The following DLC1 variants were observed in gnomAD, a reference collection of about 807,000 sequenced individuals.
The protein encoded by DLC1 is rho GTPase-activating protein 7.
DLC1 carries 54 observed loss-of-function variants against 140.3 expected under a neutral mutation model. That is an observed-to-expected ratio of 0.38 (90% CI 0.31 to 0.48). DLC1 has a LOEUF of 0.48. Ranked by LOEUF, DLC1 falls within the 20% of genes least tolerant of loss-of-function variation. The pLI is 0.96. For synonymous variants in DLC1, 986 were observed against 728.1 expected (o/e 1.35, Z -5.70); for missense variants, 2,536 against 1,907.0 (o/e 1.33, Z -6.14).
intron 1 of DLC1, among the ~76,000 whole-genome samples, chr8:13,589,764 T>C (rs533369160): frequency 1.0e-3 from 157 of 151,818 alleles, no homozygotes; most frequent in African/African-American, 3.2e-3. Context: ...ACAGAGATTG[T>C]GTAAATTTTT....
At chr8:13,275,117 T>C (rs1281811718) in intron 5 of DLC1, among the ~76,000 whole-genome samples, 1 of 152,240 alleles carries the variant, frequency 6.6e-6, no homozygotes, top group East Asian at 1.9e-4. Flanking sequence ...TTGTTTACTT[T>C]CTCCGTCAGT....
intron 5 of DLC1, among the ~76,000 whole-genome samples, chr8:13,127,847 G>A (rs944438542): frequency 1.3e-5 from 2 of 152,224 alleles, no homozygotes; most frequent in Non-Finnish European, 2.9e-5. Context: ...TCAAAGGTGG[G>A]GCAGGGCAGA....
chr8:13,279,349 A>T (rs1376475467), intron 5 of DLC1, among the ~76,000 whole-genome samples: 1 of 152,212 alleles, frequency 6.6e-6, no homozygotes, highest in African/African-American at 2.4e-5. Context: ...ACAGTTCTTC[A>T]GTGAAGCTCA....
At chr8:13,390,085 T>C (rs1836683627) in intron 4 of DLC1, among the ~76,000 whole-genome samples, 1 of 152,172 alleles carries the variant, frequency 6.6e-6, no homozygotes, top group Admixed American at 6.5e-5. Flanking sequence ...CTGTTTAATC[T>C]CTCATAGACA....
Position 13,187,464 on chromosome 8 carries a change from G to A in DLC1, c.1349-71807C>T, listed in dbSNP as rs958214599. On this transcript the variant is annotated intron_variant, in intron 5 of 17. Transcript: ENST00000276297. Reference sequence around the variant, plus strand: ...TCTTCAGATTTTAGTATGGTATCTTGAAAATGCTAGGTGGTCATAAATTGT... The same window carrying A: ...TCTTCAGATTTTAGTATGGTATCTTAAAAATGCTAGGTGGTCATAAATTGT... Among the ~76,000 whole-genome samples, 4 of 152,222 alleles carry A rather than the reference G, an allele frequency of 2.6e-5. No individual in the cohort carries two copies. In the South Asian group the frequency reaches 6.2e-4, roughly 24 times the overall value.
Position 13,544,977 on chromosome 8 carries a change from A to AC in DLC1, c.-125-44782dup, listed in dbSNP as rs960629186. ...TTACATAGACTCCAAGTTTAATAGC[A>AC]CCCCCCCTGGAACTGTGCAGTACTG... On this transcript the variant is annotated intron_variant, in intron 1 of 1. Coordinates refer to the DLC1 transcript ENST00000631382. Among the ~76,000 whole-genome samples, 14 of 151,554 alleles carry AC rather than the reference A, an allele frequency of 9.2e-5. No individual in the cohort carries two copies. In the East Asian group the frequency reaches 1.2e-3, roughly 13 times the overall value.
intron 5 of DLC1, among the ~76,000 whole-genome samples, chr8:13,122,536 A>T (rs1244928744): frequency 1.3e-5 from 2 of 152,226 alleles, no homozygotes; most frequent in South Asian, 4.1e-4. Flanking sequence ...TTAAAGGCAG[A>T]CTGAAAACGA....
chr8:13,406,181 G>GTTGTTTTTTTTTTTTTTTTTTTTT (rs1554514489), intron 2 of DLC1, among the ~76,000 whole-genome samples: 1 of 84,960 alleles, frequency 1.2e-5, no homozygotes, highest in Non-Finnish European at 2.2e-5. Flanking sequence ...TAATTTTTGT[G>GTTGTTTTTTTTTTTTTTTTTTTTT]TTTTTTTTTT....
At chr8:13,108,541 T>C (rs1819788889) in intron 7 of DLC1, among the ~76,000 whole-genome samples, 1 of 152,204 alleles carries the variant, frequency 6.6e-6, no homozygotes, top group South Asian at 2.1e-4. Flanking sequence ...ATACTTTTTT[T>C]CCCAGAAATG....
At chr8:13,221,718 GTGTGTGTGTATA>G (rs1828560704) in intron 5 of DLC1, among the ~76,000 whole-genome samples, 1 of 107,186 alleles carries the variant, frequency 9.3e-6, no homozygotes. Flanking sequence ...GTATATGTGT[GTGTGTGTGTATA>G]TATATATATA....
At chr8:13,529,823 C>G (rs548637134) in intron 1 of DLC1, among the ~76,000 whole-genome samples, 1 of 152,120 alleles carries the variant, frequency 6.6e-6, no homozygotes, top group African/African-American at 2.4e-5. Context: ...CTCCTGCATA[C>G]TAAGTTGAAT....
At chr8:13,199,884 G>A (rs921942555) in intron 5 of DLC1, among the ~76,000 whole-genome samples, 6 of 152,030 alleles carry the variant, frequency 3.9e-5, no homozygotes, top group Admixed American at 6.6e-5. Context: ...TACAAGTATC[G>A]CTATTGTTTT....
intron 5 of DLC1, among the ~76,000 whole-genome samples, chr8:13,296,443 C>T (rs1037273925): frequency 7.2e-5 from 11 of 152,120 alleles, no homozygotes; most frequent in Admixed American, 1.3e-4. Context: ...ACTGGCAGTT[C>T]ACAGCCACCT....
chr8:13,187,452 G>A (rs1003096164), intron 5 of DLC1, among the ~76,000 whole-genome samples: 51 of 152,092 alleles, frequency 3.4e-4, no homozygotes, highest in Non-Finnish European at 1.0e-4. Context: ...TCAGATTTTA[G>A]TATGGTATCT....
intron 5 of DLC1, among the ~76,000 whole-genome samples, chr8:13,160,670 A>T (rs1824621516): frequency 1.3e-5 from 2 of 152,212 alleles, no homozygotes; most frequent in Non-Finnish European, 2.9e-5. Context: ...CATGCATCCT[A>T]GCTCTATGTT....
chr8:13,601,260 C>A (rs896850527), intron 1 of DLC1, among the ~76,000 whole-genome samples: 1 of 151,764 alleles, frequency 6.6e-6, no homozygotes, highest in Non-Finnish European at 1.5e-5. Context: ...TTTCCATAAT[C>A]AGATTTCTGA....
chr8:13,198,748 C>T (rs183952891), intron 5 of DLC1, among the ~76,000 whole-genome samples: 212 of 149,730 alleles, frequency 1.4e-3, no homozygotes, highest in Admixed American at 4.6e-3. Context: ...AATGGAGTCT[C>T]GCTCTGTCAC....
At chr8:13,186,518 T>G (rs1324200282) in intron 5 of DLC1, among the ~76,000 whole-genome samples, 2 of 152,238 alleles carry the variant, frequency 1.3e-5, no homozygotes, top group African/African-American at 4.8e-5. Context: ...TAAGGTCTTC[T>G]CTACACTGTT....
In DLC1 at chr8:13,288,800, G is replaced by C. The variant is rs538833330; in HGVS notation, c.1348+16469C>G. Among the ~76,000 whole-genome samples, 8 of 152,274 alleles carry C rather than the reference G, an allele frequency of 5.3e-5. No homozygotes were observed. In the East Asian group the frequency reaches 1.5e-3, roughly 29 times the overall value. On this transcript the variant is annotated intron_variant, in intron 5 of 17. Transcript: ENST00000276297. ...GGGAGGAAAGAAGAAGTAAGAAGTG[G>C]GTAGGGAAGAGACTTGTGTGGGCTG...
Sources: allele counts gnomAD v4.1 joint callset (sites outside exome capture counted in the v4.1 genomes callset), GRCh38; gene constraint gnomAD v4.1.1; transcripts MANE v1.5; gene names NCBI Gene and HGNC (gene_info 2026-07-23, HGNC 2026-07-21).